NEXMIF: variants seen among roughly 807,000 people sequenced by gnomAD.
The protein encoded by NEXMIF is neurite extension and migration factor.
NEXMIF carries 8 observed loss-of-function variants against 62.1 expected under a neutral mutation model. The observed-to-expected ratio is 0.13, with a 90% CI of 0.08 to 0.23. The LOEUF (loss-of-function observed/expected upper bound fraction) is 0.23. NEXMIF is among the 10% of genes least tolerant of loss of function. The pLI, the probability that NEXMIF is intolerant of heterozygous loss-of-function variation, is 1.00. For synonymous variants in NEXMIF, 404 were observed against 416.6 expected, an observed-to-expected ratio of 0.97 and a Z score of 0.37; for missense variants, 976 against 1,113.3, an observed-to-expected ratio of 0.88 and a Z score of 1.75.
intron 1 of NEXMIF, among the ~76,000 whole-genome samples, chrX:74,903,145 G>T (rs1161510216): frequency 9.0e-6 from 1 of 111,395 alleles, no homozygotes; most frequent in East Asian, 2.8e-4. Context: ...CTATGGCCTA[G>T]CAAATACACG....
chrX:74,864,711 CTTTT>C (rs780117195), intron 1 of NEXMIF, among the ~76,000 whole-genome samples: 1 of 105,120 alleles, frequency 9.5e-6, no homozygotes, highest in East Asian at 3.0e-4. Flanking sequence ...TCAGGTATTT[CTTTT>C]TTTTTTTTCT....
chrX:74,845,653 C>A (rs1211304468), intron 1 of NEXMIF, among the ~76,000 whole-genome samples: 1 of 111,297 alleles, frequency 9.0e-6, no homozygotes, highest in Non-Finnish European at 1.9e-5. Flanking sequence ...AATATACAAA[C>A]CTATTTGTGA....
chrX:74,893,745 T>C (rs925310290), intron 1 of NEXMIF, among the ~76,000 whole-genome samples: 1 of 111,902 alleles, frequency 8.9e-6, no homozygotes, highest in African/African-American at 3.2e-5. Context: ...ATAAGACGCT[T>C]TGCAGAAATT....
At chrX:74,886,503 A>T (rs183851248) in intron 1 of NEXMIF, among the ~76,000 whole-genome samples, 5 of 111,373 alleles carry the variant, frequency 4.5e-5, no homozygotes, top group African/African-American at 1.3e-4. Context: ...TATACACCAA[A>T]AACAGACAAA....
intron 1 of NEXMIF, among the ~76,000 whole-genome samples, chrX:74,873,470 T>C (rs2080613010): frequency 8.9e-6 from 1 of 112,145 alleles, no homozygotes; most frequent in Non-Finnish European, 1.9e-5. Flanking sequence ...AGTGTCTTTA[T>C]AGCAGCATGA....
rs140921280 is a variant in NEXMIF at position 74,758,149 on chromosome X, C to T, written c.-47-12452G>A. ...ATAATGTCATGCCAAATTAGAATGT[C>T]TGTCTCTTGGGGAAGAGGAGAGTGG... is the stretch of plus-strand genomic sequence containing the variant. On this transcript the variant is annotated intron_variant, in intron 1 of 3. Coordinates refer to ENST00000055682, the MANE Select transcript of NEXMIF (RefSeq NM_001008537.3). Among the ~76,000 whole-genome samples, 757 of 111,096 alleles carry T rather than the reference C, an allele frequency of 6.8e-3. 11 individuals are homozygous for T. Among genetic ancestry groups the T allele is most frequent in the African/African-American group, 0.023 (717 of 30,596 alleles).
At chrX:74,896,988 T>G (rs2080734858) in intron 1 of NEXMIF, among the ~76,000 whole-genome samples, 1 of 112,362 alleles carries the variant, frequency 8.9e-6, no homozygotes, top group African/African-American at 3.2e-5. Flanking sequence ...ACCCAATTGA[T>G]ATCTACTAGC....
chrX:74,822,045 G>T (rs769703046), intron 1 of NEXMIF, among the ~76,000 whole-genome samples: 1 of 111,748 alleles, frequency 8.9e-6, no homozygotes, highest in Non-Finnish European at 1.9e-5. Context: ...CATCACACCC[G>T]GTCTCAGTTG....
chrX:74,876,672 C>T (rs1353490246), intron 1 of NEXMIF, among the ~76,000 whole-genome samples: 1 of 101,599 alleles, frequency 9.8e-6, no homozygotes, highest in South Asian at 5.0e-4. Flanking sequence ...AATCTGGGTG[C>T]TCCTGTATTG....
intron 1 of NEXMIF, among the ~76,000 whole-genome samples, chrX:74,794,682 G>A (rs772400484): frequency 8.9e-6 from 1 of 111,943 alleles, no homozygotes; most frequent in Admixed American, 9.4e-5. Context: ...CTCGTGGTGC[G>A]CCTTTTTTTA....
chrX:74,885,252 C>CA (rs1255970571), intron 1 of NEXMIF, among the ~76,000 whole-genome samples: 2 of 110,814 alleles, frequency 1.8e-5, no homozygotes, highest in East Asian at 5.6e-4. Flanking sequence ...GAAGCAACAG[C>CA]AAAAAAATTC....
At chrX:74,891,107 A>T (rs1314142156) in intron 1 of NEXMIF, among the ~76,000 whole-genome samples, 2 of 111,401 alleles carry the variant, frequency 1.8e-5, no homozygotes, top group Non-Finnish European at 3.8e-5. Flanking sequence ...TCTTTTCATT[A>T]TGCAGTTTCA....
At chrX:74,813,363 AC>A (rs1173224063) in intron 1 of NEXMIF, among the ~76,000 whole-genome samples, 5 of 112,215 alleles carry the variant, frequency 4.5e-5, no homozygotes, top group African/African-American at 1.3e-4. Flanking sequence ...AAGAAAAAAA[AC>A]ATGCTATAAA....
chrX:74,798,424 A>G (rs922501793), intron 1 of NEXMIF, among the ~76,000 whole-genome samples: 8 of 112,038 alleles, frequency 7.1e-5, no homozygotes, highest in African/African-American at 2.6e-4. Flanking sequence ...ATGGCACACA[A>G]CCTGAGAAAC....
chrX:74,838,766 T>G (rs1249715104), intron 1 of NEXMIF, among the ~76,000 whole-genome samples: 1 of 112,113 alleles, frequency 8.9e-6, no homozygotes, highest in Non-Finnish European at 1.9e-5. Context: ...CCATCCCCAG[T>G]TATAAGGAAA....
chrX:74,822,949 C>T (rs1370025880), intron 1 of NEXMIF, among the ~76,000 whole-genome samples: 2 of 111,647 alleles, frequency 1.8e-5, no homozygotes, highest in African/African-American at 6.5e-5. Flanking sequence ...GTGTTAAAAA[C>T]CTAAATGTTC....
Position 74,813,179 on chromosome X carries a change from CA to C in NEXMIF, c.-47-67483del, listed in dbSNP as rs201982487. Among the ~76,000 whole-genome samples the C allele has an allele frequency of 5.6e-3, 624 of 111,529 alleles. 15 individuals carry two copies. The Admixed American group carries it at 0.056, about 10-fold the overall frequency. ...TTAAGGAGGTGGAATAAGTAGATGG[CA>C]TAGCCTTAATTAAACAAAAGGAAGC... On this transcript the variant is annotated intron_variant, in intron 1 of 3. Transcript: ENST00000055682.
intron 1 of NEXMIF, among the ~76,000 whole-genome samples, chrX:74,805,717 G>A (rs998290554): frequency 9.0e-6 from 1 of 111,590 alleles, no homozygotes; most frequent in African/African-American, 3.3e-5. Context: ...AGTTTTCCAA[G>A]CACCATTTAT....
chrX:74,867,093 C>G (rs1206284369), intron 1 of NEXMIF, among the ~76,000 whole-genome samples: 1 of 111,481 alleles, frequency 9.0e-6, no homozygotes, highest in East Asian at 2.8e-4. Flanking sequence ...AGGACCTCTT[C>G]AAGGAGAAAT....
Sources: allele counts gnomAD v4.1 joint callset (sites outside exome capture counted in the v4.1 genomes callset), GRCh38; gene constraint gnomAD v4.1.1; transcripts MANE v1.5; gene names NCBI Gene and HGNC (gene_info 2026-07-23, HGNC 2026-07-21).